TAOK1: variants seen among roughly 807,000 people sequenced by gnomAD.
TAOK1 encodes serine/threonine-protein kinase TAO1.
In TAOK1, 21 loss-of-function variants were observed where a neutral mutation model predicts 138.3. That is an observed-to-expected ratio of 0.15 (90% CI 0.11 to 0.22). The LOEUF is 0.22. Ranked by LOEUF, TAOK1 falls within the 10% of genes least tolerant of loss-of-function variation. The pLI, the probability that TAOK1 is intolerant of heterozygous loss-of-function variation, is 1.00. For synonymous variants in TAOK1, 361 were observed against 398.4 expected, an observed-to-expected ratio of 0.91 and a Z score of 1.12; for missense variants, 651 against 1,227.7, an observed-to-expected ratio of 0.53 and a Z score of 7.02.
At chr17:29,487,275 A>G (rs1367798338) in intron 8 of TAOK1, among the ~76,000 whole-genome samples, 2 of 144,974 alleles carry the variant, frequency 1.4e-5, no homozygotes, top group African/African-American at 2.5e-5. Flanking sequence ...AAAAAAAAAA[A>G]GTATTAAGGA....
At chr17:29,457,658 G>A (rs1190583571) in intron 2 of TAOK1, among the ~76,000 whole-genome samples, 3 of 150,846 alleles carry the variant, frequency 2.0e-5, no homozygotes, top group African/African-American at 4.9e-5. Flanking sequence ...CACCCATCTC[G>A]GCCTCCCAAA....
chr17:29,483,334 T>G (rs1414199531), intron 8 of TAOK1, among the ~76,000 whole-genome samples: 1 of 151,988 alleles, frequency 6.6e-6, no homozygotes, highest in Non-Finnish European at 1.5e-5. Flanking sequence ...TGCCTCAGCC[T>G]CCCGCAGTGG....
At chr17:29,444,291 A>G (rs1414821205) in intron 1 of TAOK1, among the ~76,000 whole-genome samples, 2 of 152,228 alleles carry the variant, frequency 1.3e-5, no homozygotes, top group East Asian at 3.8e-4. Context: ...TTAAAAATGA[A>G]CAAGACCTTT....
At chr17:29,489,831 G>T in intron 9 of TAOK1, 74 bp downstream of exon 9, 1 of 1,123,428 alleles carries the variant, frequency 8.9e-7, no homozygotes, top group South Asian at 1.7e-5. Context: ...TTATCAAAGT[G>T]ATTTAATTTC....
intron 4 of TAOK1, among the ~76,000 whole-genome samples, chr17:29,476,781 T>C (rs1031931262): frequency 6.6e-6 from 1 of 152,158 alleles, no homozygotes; most frequent in Non-Finnish European, 1.5e-5. Flanking sequence ...GCCATGTAAA[T>C]AGTTGTTACG....
intron 16 of TAOK1, among the ~76,000 whole-genome samples, chr17:29,517,898 A>C (rs1306419272): frequency 6.6e-6 from 1 of 152,040 alleles, no homozygotes; most frequent in Non-Finnish European, 1.5e-5. Context: ...CCATGTCGCC[A>C]AGTATGGAGT....
intron 1 of TAOK1, among the ~76,000 whole-genome samples, chr17:29,396,382 A>C (rs1275126268): frequency 6.6e-6 from 1 of 152,176 alleles, no homozygotes; most frequent in Non-Finnish European, 1.5e-5. Context: ...AAGTAAGTAA[A>C]AGTATAAATT....
chr17:29,430,659 A>G (rs937863155), intron 1 of TAOK1, among the ~76,000 whole-genome samples: 7 of 152,122 alleles, frequency 4.6e-5, no homozygotes, highest in African/African-American at 1.7e-4. Context: ...AGTTCTAGGA[A>G]ATTGGCATGA....
chr17:29,427,856 G>T lies in TAOK1; in HGVS notation c.-94-23599G>T, dbSNP rs146289306. ...GCACGAGAATTGTTTGAATCCGGGGGCGGAGGTTGCAGTGAGCCGAGATTG... is the reference window on the plus strand; with the variant it reads ...GCACGAGAATTGTTTGAATCCGGGGTCGGAGGTTGCAGTGAGCCGAGATTG... On this transcript the variant is annotated intron_variant, in intron 1 of 19. Transcript: ENST00000261716. Among the ~76,000 whole-genome samples the T allele has an allele frequency of 2.2e-3, 329 of 151,774 alleles. 2 individuals are homozygous for T. The highest frequency in any genetic ancestry group is 7.8e-3 in the African/African-American group (322 of 41,364).
intron 4 of TAOK1, among the ~76,000 whole-genome samples, chr17:29,476,440 G>A (rs1417712356): frequency 1.3e-5 from 2 of 152,068 alleles, no homozygotes; most frequent in African/African-American, 4.8e-5. Flanking sequence ...ACATTAGATG[G>A]GTAACCTCTC....
chr17:29,510,267 C>G (rs2031697936), intron 14 of TAOK1, among the ~76,000 whole-genome samples: 1 of 152,086 alleles, frequency 6.6e-6, no homozygotes, highest in East Asian at 1.9e-4. Flanking sequence ...GTCACAGCTA[C>G]TTGGGAGGCT....
chr17:29,472,254 G>T (rs1361761310), intron 3 of TAOK1, among the ~76,000 whole-genome samples: 2 of 100,022 alleles, frequency 2.0e-5, no homozygotes. Context: ...TAGCCGTTGT[G>T]TGTTTTTTTT....
chr17:29,504,848 A>G (rs765402566), intron 13 of TAOK1, among the ~76,000 whole-genome samples: 14 of 152,172 alleles, frequency 9.2e-5, no homozygotes, highest in Non-Finnish European at 1.8e-4. Context: ...GGTTATTCCT[A>G]CTATTCTGCA....
intron 17 of TAOK1, among the ~76,000 whole-genome samples, chr17:29,525,217 A>G (rs1207634120): frequency 4.6e-5 from 7 of 152,086 alleles, no homozygotes; most frequent in Non-Finnish European, 8.8e-5. Flanking sequence ...GGTTCAAGCA[A>G]TGCTCCCGCC....
chr17:29,462,825 TCTGA>T (rs781015245), intron 2 of TAOK1, among the ~76,000 whole-genome samples: 8 of 152,364 alleles, frequency 5.3e-5, no homozygotes, highest in East Asian at 1.9e-4. Context: ...TCCTACTCTC[TCTGA>T]CTATTTCTGT....
chr17:29,511,331 TCACAC>T (rs1173309693), intron 15 of TAOK1: 1 of 153,146 alleles, frequency 6.5e-6, no homozygotes, highest in African/African-American at 2.4e-5. Flanking sequence ...CCTACTGGGT[TCACAC>T]CATTCTCCTG....
Position 29,539,717 on chromosome 17 carries a change from G to A in TAOK1, c.2545-2844G>A, listed in dbSNP as rs536527140. On this transcript the variant is annotated intron_variant, in intron 19 of 19. Coordinates refer to ENST00000261716, the MANE Select transcript of TAOK1 (RefSeq NM_020791.4). ...TCCCAAAGCTCTTGGGATTACAGGC[G>A]TGAGCCACTGCACCCAGCCAATTTT... is the stretch of plus-strand genomic sequence containing the variant. Among the ~76,000 whole-genome samples the A allele has an allele frequency of 3.3e-5, 5 of 152,134 alleles. No homozygotes were observed. The East Asian group carries it at 5.8e-4, about 18-fold the overall frequency.
At chr17:29,397,607 C>CCCAAA (rs60665025) in intron 1 of TAOK1, among the ~76,000 whole-genome samples, 1,654 of 94,550 alleles carry the variant, frequency 0.017, 131 homozygotes, top group African/African-American at 0.077. Flanking sequence ...CGTCCCCCCC[C>CCCAAA]AAAAAAATAT....
intron 1 of TAOK1, among the ~76,000 whole-genome samples, chr17:29,421,248 AATAAAGTGAATT>A (rs1179713372): frequency 6.6e-6 from 1 of 152,220 alleles, no homozygotes; most frequent in Non-Finnish European, 1.5e-5. Flanking sequence ...TTTTTAGACT[AATAAAGTGAATT>A]ATATGGATTG....
Sources: gnomAD v4.1 joint callset for allele counts (sites outside exome capture counted in the v4.1 genomes callset) on GRCh38, gnomAD v4.1.1 for gene constraint, MANE v1.5 for transcripts, NCBI Gene and HGNC (gene_info 2026-07-23, HGNC 2026-07-21) for gene names.